Variants in LRRC8C observed in about 807,000 individuals in gnomAD.
The protein encoded by LRRC8C is leucine rich repeat containing 8 VRAC subunit C, also known as volume-regulated anion channel subunit LRRC8C.
LRRC8C carries 20 observed loss-of-function variants against 55.3 expected under a neutral mutation model. The ratio of observed to expected loss-of-function variants is 0.36; its 90% CI spans 0.25 to 0.53. The LOEUF is 0.53. Among genes scored for constraint, LRRC8C ranks in the 20% least tolerant of loss-of-function variants. The pLI, the probability that LRRC8C is intolerant of heterozygous loss-of-function variation, is 0.92. For missense variants in LRRC8C, 659 were observed against 951.4 expected (o/e 0.69, Z 4.04); for synonymous variants, 376 against 360.7 (o/e 1.04, Z -0.48).
rs1283583030 is a variant in LRRC8C at position 89,715,650 on chromosome 1, T to G, written c.*668T>G. 6.6e-6 allele frequency: 1 copy of G among 152,188 alleles called. No individual in the cohort carries two copies. The highest frequency in any genetic ancestry group is 1.5e-5 in the Non-Finnish European group (1 of 68,034). 9.4% of individuals were successfully genotyped at this position (152,188 alleles called of 1,614,324 possible). A position where few individuals can be genotyped will look rare whatever the true frequency, so the allele number is the denominator to read the frequency against. On this transcript the variant is annotated 3_prime_UTR_variant, in exon 3 of 3. Coordinates refer to ENST00000370454, the MANE Select transcript of LRRC8C (RefSeq NM_032270.5). ...CCTTTATCATTTAACTTATTTGCAT[T>G]TTACCAACATTTTAAAAATATTTAA...
intron 1 of LRRC8C, among the ~76,000 whole-genome samples, chr1:89,678,139 G>A (rs1657599443): frequency 6.6e-6 from 1 of 152,208 alleles, no homozygotes. Context: ...GGCCCTGTGT[G>A]TGGGATCTTC....
At chr1:89,683,523 A>G (rs1324275275) in intron 1 of LRRC8C, among the ~76,000 whole-genome samples, 1 of 151,994 alleles carries the variant, frequency 6.6e-6, no homozygotes, top group Non-Finnish European at 1.5e-5. Context: ...ACGCCCAGCT[A>G]ATTTTTGTAT....
At chr1:89,698,095 A>G (rs1051536808) in intron 2 of LRRC8C, among the ~76,000 whole-genome samples, 7 of 152,208 alleles carry the variant, frequency 4.6e-5, no homozygotes, top group African/African-American at 1.7e-4. Context: ...TAAACAGACC[A>G]TGTGTCCCAA....
chr1:89,662,800 G>A (rs1241556962), intron 1 of LRRC8C, among the ~76,000 whole-genome samples: 1 of 152,060 alleles, frequency 6.6e-6, no homozygotes, highest in Non-Finnish European at 1.5e-5. Context: ...CCGCCATGGG[G>A]TAGATATTAT....
chr1:89,713,864 A>T lies in LRRC8C; in HGVS notation c.1294A>T (p.Met432Leu). ...AHNRLELPLI[M>L]LSGLPDTVFE... Reference sequence around the variant, plus strand: ...TAATCGACTGGAATTGCCTCTTATCATGCTCTCTGGCCTTCCAGACACTGT... The same window carrying T: ...TAATCGACTGGAATTGCCTCTTATCTTGCTCTCTGGCCTTCCAGACACTGT... The change falls in exon 3 of 3, where the codon ATG (methionine) becomes TTG (leucine). Residue 432 changes from methionine (M) to leucine (L), a missense_variant. Met to Leu is a conservative substitution (Grantham distance 15). This residue lies in a region of LRRC8C where 344 missense variants were observed against 464.6 expected (regional missense o/e 0.74). Coordinates refer to ENST00000370454, the MANE Select transcript of LRRC8C (RefSeq NM_032270.5). The surrounding 1 kb of genome is among the most constrained non-coding windows in gnomAD (Gnocchi z 5.2). 6.2e-7 allele frequency: 1 copy of T among 1,614,184 alleles called. No individual in the cohort carries two copies. Among genetic ancestry groups the T allele is most frequent in the South Asian group, 1.1e-5 (1 of 91,086 alleles).
At chr1:89,680,843 G>A (rs1657688204) in intron 1 of LRRC8C, among the ~76,000 whole-genome samples, 1 of 152,078 alleles carries the variant, frequency 6.6e-6, no homozygotes, top group East Asian at 1.9e-4. Context: ...TTACAGGCAT[G>A]AGCCACTGCA....
intron 1 of LRRC8C, among the ~76,000 whole-genome samples, chr1:89,659,083 G>T (rs1157434929): frequency 2.1e-4 from 29 of 141,120 alleles, no homozygotes; most frequent in East Asian, 1.6e-3. Context: ...GTGTGTGTGT[G>T]TGTGTGTGTG....
intron 2 of LRRC8C, among the ~76,000 whole-genome samples, chr1:89,709,707 G>A (rs539526458): frequency 6.7e-6 from 1 of 149,856 alleles, no homozygotes; most frequent in African/African-American, 2.4e-5. Flanking sequence ...TGATTCCTCT[G>A]TGTTTTTTTG....
At position 89,633,338 on chromosome 1, in the gene LRRC8C, CCGCGGAGGGATG is replaced by C. The variant is rs569546346; in HGVS notation, c.-5+17_-5+28del. On this transcript the variant is annotated intron_variant, in intron 1 of 2. Transcript: ENST00000370454. The stretch of plus-strand genomic sequence containing the variant: ...GCGCCCGGAGGTAAGGGCGGGGGAT[CCGCGGAGGGATG>C]GAGAGGGGCAGCCCGCAGAGGGCCA... 3.9e-5 allele frequency: 6 copies of C among 152,452 alleles called. No individual in the cohort carries two copies. The highest frequency in any genetic ancestry group is 1.4e-4 in the African/African-American group (6 of 41,586). The allele number at this position is 152,452 out of a possible 1,614,324, so 9.4% of individuals were successfully genotyped here.
At chr1:89,650,055 TGTAA>T (rs1242885644) in intron 1 of LRRC8C, among the ~76,000 whole-genome samples, 2 of 152,332 alleles carry the variant, frequency 1.3e-5, no homozygotes, top group East Asian at 3.9e-4. Flanking sequence ...TATAGAACAC[TGTAA>T]GTAACTGTTT....
At chr1:89,693,831 A>G (rs1658094209) in intron 2 of LRRC8C, among the ~76,000 whole-genome samples, 1 of 151,116 alleles carries the variant, frequency 6.6e-6, no homozygotes, top group African/African-American at 2.4e-5. Flanking sequence ...TAATTTTTGT[A>G]TTTTTAGTGG....
At chr1:89,681,397 A>G (rs1657705016) in intron 1 of LRRC8C, among the ~76,000 whole-genome samples, 1 of 152,210 alleles carries the variant, frequency 6.6e-6, no homozygotes, top group African/African-American at 2.4e-5. Context: ...TTAAGGATTA[A>G]TGCTGTGTTA....
intron 1 of LRRC8C, among the ~76,000 whole-genome samples, chr1:89,672,503 TCG>T (rs1349899988): frequency 5.3e-5 from 8 of 152,186 alleles, no homozygotes; most frequent in African/African-American, 1.9e-4. Flanking sequence ...GTTCCAGGCA[TCG>T]TGGTAAGTGC....
intron 2 of LRRC8C, among the ~76,000 whole-genome samples, chr1:89,704,025 G>A (rs1040471864): frequency 3.3e-5 from 5 of 152,172 alleles, no homozygotes; most frequent in East Asian, 3.9e-4. Flanking sequence ...AGCTGGTAGC[G>A]TAATGTTAAT....
intron 2 of LRRC8C, among the ~76,000 whole-genome samples, chr1:89,687,008 G>T (rs1206679095): frequency 6.6e-6 from 1 of 152,090 alleles, no homozygotes; most frequent in East Asian, 1.9e-4. Context: ...TTTTCTGGAA[G>T]AACTAAAATT....
At chr1:89,711,741 G>C (rs1002806012) in intron 2 of LRRC8C, among the ~76,000 whole-genome samples, 1 of 152,178 alleles carries the variant, frequency 6.6e-6, no homozygotes, top group African/African-American at 2.4e-5. Context: ...TCAACAAACT[G>C]AAACGTTGGT....
chr1:89,692,278 T>C (rs899972924), intron 2 of LRRC8C, among the ~76,000 whole-genome samples: 2 of 152,228 alleles, frequency 1.3e-5, no homozygotes, highest in Non-Finnish European at 2.9e-5. Flanking sequence ...GCAAGTTAAC[T>C]CCTATATTGG....
chr1:89,664,672 C>T (rs1353356825), intron 1 of LRRC8C, among the ~76,000 whole-genome samples: 13 of 152,050 alleles, frequency 8.5e-5, no homozygotes, highest in African/African-American at 2.4e-4. Flanking sequence ...TTTCTAATTA[C>T]GTGAAGAAAG....
intron 2 of LRRC8C, among the ~76,000 whole-genome samples, chr1:89,700,676 C>A (rs1003494044): frequency 3.3e-5 from 5 of 152,170 alleles, no homozygotes; most frequent in Non-Finnish European, 7.3e-5. Flanking sequence ...TTCCGTCAGA[C>A]TGGGGGCAAG....
Sources: allele counts gnomAD v4.1 joint callset (sites outside exome capture counted in the v4.1 genomes callset), GRCh38; gene constraint gnomAD v4.1.1; regional missense constraint gnomAD v4.1.1; non-coding constraint Gnocchi (gnomAD v3.1); transcripts MANE v1.5; gene names NCBI Gene and HGNC (gene_info 2026-07-23, HGNC 2026-07-21).